The following ZNF575 variants were observed in gnomAD, a reference collection of about 807,000 sequenced individuals.
The protein encoded by ZNF575 is zinc finger protein 575.
Under a neutral mutation model 17.5 loss-of-function variants are expected in ZNF575, and 17 were observed. The observed-to-expected ratio is 0.97, with a 90% CI of 0.66 to 1.45. ZNF575 has a LOEUF of 1.45. ZNF575 is among the 40% of genes most tolerant of loss of function. The pLI is 0.00. For missense variants in ZNF575, 352 were observed against 359.2 expected, an observed-to-expected ratio of 0.98 and a Z score of 0.16; for synonymous variants, 146 against 158.3, an observed-to-expected ratio of 0.92 and a Z score of 0.58.
chr19:43,534,568 G>A (rs1166791270), intron 3 of ZNF575, 67 bp downstream of exon 3: 1 of 1,362,808 alleles, frequency 7.3e-7, no homozygotes, highest in African/African-American at 1.5e-5. Context: ...ATCACATTCT[G>A]GGGGAATCTC....
At chr19:43,534,106 C>T (rs1186205005) in intron 2 of ZNF575, 1 of 436,822 alleles carries the variant, frequency 2.3e-6, no homozygotes, top group African/African-American at 2.1e-5. Flanking sequence ...TGCGCATAGG[C>T]CCCGCCGGCT....
chr19:43,531,942 C>CTTTTTTT (rs869122064), upstream of ZNF575: 94 of 107,294 alleles, frequency 8.8e-4, 4 homozygotes, highest in South Asian at 3.5e-3. Flanking sequence ...TTAAGCCAGA[C>CTTTTTTT]TTTTTTTTTT....
At chr19:43,532,967 C>G (rs1380270993), upstream of ZNF575, 1 of 150,086 alleles carries the variant, frequency 6.7e-6, no homozygotes, top group African/African-American at 2.5e-5. Context: ...ACTGGCCAGA[C>G]TTTTTGCAAA....
upstream of ZNF575, among the ~76,000 whole-genome samples, chr19:43,531,376 G>A (rs1333019735): frequency 1.3e-5 from 2 of 152,126 alleles, no homozygotes; most frequent in Non-Finnish European, 2.9e-5. Context: ...GAGGTCAGGA[G>A]ATCGAGACCA....
upstream of ZNF575, chr19:43,531,940 G>GA: frequency 7.7e-5 from 11 of 142,926 alleles, no homozygotes; most frequent in East Asian, 1.8e-4. Flanking sequence ...CATTAAGCCA[G>GA]ACTTTTTTTT....
chr19:43,531,941 A>ATTTTTTTTT, upstream of ZNF575: 3 of 173,046 alleles, frequency 1.7e-5, no homozygotes, highest in Non-Finnish European at 3.3e-5. Context: ...ATTAAGCCAG[A>ATTTTTTTTT]CTTTTTTTTT....
rs1284699639 is a variant in ZNF575 at position 43,535,432 on chromosome 19, G to A, written c.483G>A (p.Lys161=). The A allele has an allele frequency of 6.9e-7, 1 of 1,441,906 alleles. No homozygotes were observed. Among genetic ancestry groups the A allele is most frequent in the Non-Finnish European group, 9.3e-7 (1 of 1,075,582 alleles). 89.3% of individuals were successfully genotyped at this position (1,441,906 alleles called of 1,614,324 possible). A position where few individuals can be genotyped will look rare whatever the true frequency, so the allele number is the denominator to read the frequency against. The change falls in exon 4 of 4, where the codon AAG becomes AAA. Residue 161 remains lysine (K), a synonymous_variant. Transcript: ENST00000314228. Reference sequence around the variant, plus strand: ...CCAAGTCCTTCTGCTACCCTTCCAAGCTGGCGGCCCACCGCCACACGCACC... The same window carrying A: ...CCAAGTCCTTCTGCTACCCTTCCAAACTGGCGGCCCACCGCCACACGCACC... ...DCPKSFCYPS[K]LAAHRHTHHA... is the part of the protein sequence containing the mutation.
chr19:43,531,287 T>C (rs577823946), upstream of ZNF575, among the ~76,000 whole-genome samples: 1 of 148,774 alleles, frequency 6.7e-6, no homozygotes, highest in Admixed American at 6.8e-5. Context: ...CAAGACTCCG[T>C]GCAAAAAAAG....
Position 43,535,586 on chromosome 19 carries a change from C to T in ZNF575, c.637C>T (p.His213Tyr). 1.2e-6 allele frequency: 2 copies of T among 1,613,854 alleles called. No homozygotes were observed. The highest frequency in any genetic ancestry group is 1.6e-4 in the Middle Eastern group (1 of 6,062). Reference sequence around the variant, plus strand: ...GCCCGGCAGCCAGGCGACTGCCTGGCACCGATGCTCCAGCTGCGGCCAGGC... The same window carrying T: ...GCCCGGCAGCCAGGCGACTGCCTGGTACCGATGCTCCAGCTGCGGCCAGGC... ...TAPGSQATAW[H>Y]RCSSCGQAFG... Residue 213 changes from histidine (H) to tyrosine (Y), a missense_variant, in exon 4 of 4, where the codon CAC (histidine) becomes TAC (tyrosine). By Grantham distance (83) the His-to-Tyr change is moderately conservative. Transcript: ENST00000314228.
upstream of ZNF575, among the ~76,000 whole-genome samples, chr19:43,532,057 C>G (rs1442390084): frequency 1.4e-5 from 2 of 146,982 alleles, no homozygotes; most frequent in East Asian, 2.0e-4. Context: ...GAGACGGAGT[C>G]TCACTCTGTT....
chr19:43,535,104 G>A lies in ZNF575; in HGVS notation c.155G>A (p.Arg52Gln), dbSNP rs778145408. ...ACCGCGTCCGCGGGCTCGCCTCCCC[G>A]GCCTCGCCGGCGGCCCCCGCCCCAG... ...GPTASAGSPP[R>Q]PRRRPPPQRP... The change falls in exon 4 of 4, where the codon CGG becomes CAG. Residue 52 changes from arginine to glutamine, a missense_variant. Coordinates refer to ENST00000314228, the MANE Select transcript of ZNF575 (RefSeq NM_174945.3). 10 of 1,512,700 alleles carry A rather than the reference G, an allele frequency of 6.6e-6. No individual in the cohort carries two copies. The highest frequency in any genetic ancestry group is 8.8e-6 in the Non-Finnish European group (10 of 1,136,046). 93.7% of individuals were successfully genotyped at this position (1,512,700 alleles called of 1,614,324 possible).
rs1972369722 is a variant in ZNF575, at chr19:43,533,452, C to T, written c.-264C>T. ...TCCGAGGGCAGTGCAGCAGCGGCGA[C>T]AGCGGCTGCGGCCGTGGCCGTGGCG... On this transcript the variant is annotated 5_prime_UTR_variant, in exon 1 of 4. Transcript: ENST00000314228. 1.3e-5 allele frequency: 2 copies of T among 152,254 alleles called. No homozygotes were observed. The highest frequency in any genetic ancestry group is 2.4e-5 in the African/African-American group (1 of 41,554). The allele number at this position is 152,254 out of a possible 1,614,324, so 9.4% of individuals were successfully genotyped here.
At chr19:43,534,006 C>T (rs1434838928) in intron 2 of ZNF575, 104 bp downstream of exon 2, 1 of 189,004 alleles carries the variant, frequency 5.3e-6, no homozygotes, top group Non-Finnish European at 1.1e-5. Context: ...GGCCCCCGCC[C>T]CCTGGGTCTA....
Position 43,533,883 on chromosome 19 carries a change from G to A in ZNF575, c.-106G>A, listed in dbSNP as rs1448497351. 6.5e-6 allele frequency: 1 copy of A among 153,534 alleles called. No homozygotes were observed. Among genetic ancestry groups the A allele is most frequent in the East Asian group, 1.9e-4 (1 of 5,188 alleles). The allele number at this position is 153,534 out of a possible 1,614,324, so 9.5% of individuals were successfully genotyped here. A position where few individuals can be genotyped will look rare whatever the true frequency, so the allele number is the denominator to read the frequency against. Reference sequence around the variant, plus strand: ...GCAGTTGACGCGGCGTCAATGAACTGAGACTAAGTCAAAAGCCGGGTAAAG... The same window carrying A: ...GCAGTTGACGCGGCGTCAATGAACTAAGACTAAGTCAAAAGCCGGGTAAAG... On this transcript the variant is annotated 5_prime_UTR_variant, in exon 2 of 4. An upstream open reading frame in the 5' UTR loses its in-frame stop. Transcript: ENST00000314228.
chr19:43,534,367 C>A lies in ZNF575; in HGVS notation c.-56C>A. 6.7e-7 allele frequency: 1 copy of A among 1,503,642 alleles called. No individual in the cohort carries two copies. The highest frequency in any genetic ancestry group is 1.2e-5 in the South Asian group (1 of 82,836). The allele number at this position is 1,503,642 out of a possible 1,614,324, so 93.1% of individuals were successfully genotyped here. On this transcript the variant is annotated 5_prime_UTR_variant, in exon 3 of 4. Transcript: ENST00000314228. ...CCAACCCTATCCCCATCAGCCTGGT[C>A]ATCACCGGCGTCACCCCCGCCCCGC...
At position 43,534,498 on chromosome 19, in the gene ZNF575, G is replaced by A. The variant is rs771839769; in HGVS notation, c.76G>A (p.Glu26Lys). ...CACTGGCAAGGAACCAGTGACCAAA[G>A]AAGGTGAGAGTGCCCCGCCTGTGAG... ...SPTGKEPVTKEAPHQGPPQKP... is the reference protein window; with the variant it reads ...SPTGKEPVTKKAPHQGPPQKP... The change falls in exon 3 of 4, where the codon GAA becomes AAA. Residue 26 changes from glutamate to lysine, a missense_variant. Transcript: ENST00000314228. 3.4e-6 allele frequency: 5 copies of A among 1,453,062 alleles called. No homozygotes were observed. In the East Asian group the frequency reaches 8.1e-5, roughly 24 times the overall value. The allele number at this position is 1,453,062 out of a possible 1,614,324, so 90.0% of individuals were successfully genotyped here.
rs548741699 is a variant in ZNF575, at chr19:43,535,855, T to C, written c.*168T>C. On this transcript the variant is annotated 3_prime_UTR_variant, in exon 4 of 4. Coordinates refer to ENST00000314228, the MANE Select transcript of ZNF575 (RefSeq NM_174945.3). ...GAGCTCAGAAGCCCGAGGAACTCTT[T>C]GCTCCCCTGCTTTGGGGAGATCTCA... 45 of 738,024 alleles carry C rather than the reference T, an allele frequency of 6.1e-5. 1 individual carries two copies. In the African/African-American group the frequency reaches 6.2e-4, roughly 10 times the overall value. 45.7% of individuals were successfully genotyped at this position (738,024 alleles called of 1,614,324 possible).
In ZNF575 at chr19:43,535,131, G is replaced by A; in HGVS notation, c.182G>A (p.Arg61His). 1.3e-6 allele frequency: 2 copies of A among 1,555,874 alleles called. No individual in the cohort carries two copies. Among genetic ancestry groups the A allele is most frequent in the South Asian group, 1.2e-5 (1 of 85,220 alleles). Residue 61 changes from arginine to histidine, a missense_variant, in exon 4 of 4, where the codon CGC becomes CAC. Transcript: ENST00000314228. ...PRPRRRPPPQ[R>H]PHRCPDCDKA... is the part of the protein sequence containing the mutation. ...CCTCGCCGGCGGCCCCCGCCCCAGC[G>A]CCCGCACCGCTGCCCCGACTGTGAC...
At chr19:43,534,151 G>A in intron 2 of ZNF575, 186 bp from the exon 3 acceptor site, 2 of 504,752 alleles carry the variant, frequency 4.0e-6, no homozygotes, top group Non-Finnish European at 7.0e-6. Context: ...TAGTTGTGGA[G>A]ACTCCGCCCA....
Sources: allele counts gnomAD v4.1 joint callset (sites outside exome capture counted in the v4.1 genomes callset), GRCh38; gene constraint gnomAD v4.1.1; transcripts MANE v1.5; gene names NCBI Gene and HGNC (gene_info 2026-07-23, HGNC 2026-07-21).